The following ASXL3 variants were observed in gnomAD, a reference collection of about 807,000 sequenced individuals.
The protein encoded by ASXL3 is putative Polycomb group protein ASXL3.
A neutral mutation model predicts 170.6 loss-of-function variants in ASXL3; 34 were observed. That is an observed-to-expected ratio of 0.20 (90% confidence interval 0.15 to 0.27). The LOEUF is 0.27. ASXL3 is among the 10% of genes least tolerant of loss of function. ASXL3 has a pLI of 1.00. For missense variants in ASXL3, 2,592 were observed against 2,695.3 expected (o/e 0.96, Z 0.85); for synonymous variants, 1,002 against 989.1 (o/e 1.01, Z -0.24).
intron 8 of ASXL3, among the ~76,000 whole-genome samples, chr18:33,712,470 C>A (rs1224641584): frequency 4.6e-5 from 7 of 152,264 alleles, no homozygotes; most frequent in Admixed American, 2.0e-4. Flanking sequence ...AGGAGCCAGT[C>A]ATTTAATCTC....
chr18:33,582,717 T>C (rs78435910), intron 1 of ASXL3, among the ~76,000 whole-genome samples: 2,764 of 149,136 alleles, frequency 0.019, 48 homozygotes, highest in Middle Eastern at 0.034. Context: ...TGTGTGTGTG[T>C]GTGTGTGTGT....
intron 8 of ASXL3, among the ~76,000 whole-genome samples, chr18:33,704,077 T>C (rs1017048444): frequency 6.6e-6 from 1 of 152,172 alleles, no homozygotes; most frequent in Non-Finnish European, 1.5e-5. Flanking sequence ...AATAAACTGC[T>C]CTTTTCCAAA....
intron 8 of ASXL3, among the ~76,000 whole-genome samples, chr18:33,729,334 G>A (rs918307721): frequency 8.5e-5 from 13 of 152,094 alleles, no homozygotes; most frequent in Admixed American, 3.9e-4. Context: ...TGGGAGTTGC[G>A]CCCAGAGACA....
At chr18:33,613,997 T>G (rs1404877564) in intron 2 of ASXL3, among the ~76,000 whole-genome samples, 1 of 152,080 alleles carries the variant, frequency 6.6e-6, no homozygotes, top group Non-Finnish European at 1.5e-5. Flanking sequence ...AGTCTTGTCT[T>G]GATGTTGATG....
At chr18:33,621,896 C>A (rs2065520469) in intron 2 of ASXL3, among the ~76,000 whole-genome samples, 1 of 152,036 alleles carries the variant, frequency 6.6e-6, no homozygotes, top group African/African-American at 2.4e-5. Flanking sequence ...CACTCTGTTT[C>A]TTTATTTACA....
At chr18:33,579,692 G>A (rs2064977092) in intron 1 of ASXL3, among the ~76,000 whole-genome samples, 1 of 151,974 alleles carries the variant, frequency 6.6e-6, no homozygotes, top group East Asian at 1.9e-4. Context: ...GTGTGTCTCG[G>A]GAATGCCAGG....
chr18:33,727,805 T>C lies in ASXL3; in HGVS notation c.880-4163T>C, dbSNP rs2067375537. Among the ~76,000 whole-genome samples the C allele has an allele frequency of 1.3e-5, 2 of 152,326 alleles. 1 individual carries two copies. Among genetic ancestry groups the C allele is most frequent in the South Asian group, 4.1e-4 (2 of 4,828 alleles). On this transcript the variant is annotated intron_variant, in intron 8 of 11. Coordinates refer to ENST00000269197, the MANE Select transcript of ASXL3 (RefSeq NM_030632.3). ...CTTAAAACCCATAAAATTAATCGTG[T>C]ATTTAAAACACTTTATTGGCATTTA...
chr18:33,729,269 AGGAG>A (rs2067402471), intron 8 of ASXL3, among the ~76,000 whole-genome samples: 1 of 152,198 alleles, frequency 6.6e-6, no homozygotes, highest in South Asian at 2.1e-4. Flanking sequence ...ACTGTTCCAC[AGGAG>A]GACAGCAGGA....
rs1015184444 is a variant in ASXL3 at position 33,751,013 on chromosome 18, TTTTA to T, written c.*4422_*4425del. On this transcript the variant is annotated 3_prime_UTR_variant, in exon 12 of 12. Coordinates refer to ENST00000269197, the MANE Select transcript of ASXL3 (RefSeq NM_030632.3). ...GCATTCTTTAATGGTGCTGTTTGTTTTTTATTTCTTTTCTACAAAGAAAACAAGT... is the reference window on the plus strand; with the variant it reads ...GCATTCTTTAATGGTGCTGTTTGTTTTTTCTTTTCTACAAAGAAAACAAGT... 6.7e-6 allele frequency: 1 copy of T among 149,036 alleles called. No individual in the cohort carries two copies. The highest frequency in any genetic ancestry group is 1.5e-5 in the Non-Finnish European group (1 of 67,704). The allele number at this position is 149,036 out of a possible 1,614,324, so 9.2% of individuals were successfully genotyped here.
intron 1 of ASXL3, among the ~76,000 whole-genome samples, chr18:33,596,590 A>T (rs1050312204): frequency 6.6e-6 from 1 of 152,194 alleles, no homozygotes; most frequent in African/African-American, 2.4e-5. Flanking sequence ...ATACATCTGG[A>T]TGCTGTGTCA....
chr18:33,669,259 C>A (rs963091521), intron 5 of ASXL3, among the ~76,000 whole-genome samples: 2 of 152,124 alleles, frequency 1.3e-5, no homozygotes, highest in Non-Finnish European at 2.9e-5. Context: ...CATATGTCCT[C>A]ATTAAATATA....
chr18:33,588,726 A>G (rs1334294910), intron 1 of ASXL3, among the ~76,000 whole-genome samples: 3 of 152,146 alleles, frequency 2.0e-5, no homozygotes, highest in African/African-American at 7.2e-5. Flanking sequence ...TAAAGTATAT[A>G]TGGCCCCTTC....
At chr18:33,741,288 C>A (rs536450365) in intron 11 of ASXL3, among the ~76,000 whole-genome samples, 1 of 152,136 alleles carries the variant, frequency 6.6e-6, no homozygotes, top group South Asian at 2.1e-4. Context: ...AGATAGATAA[C>A]AACATGAGGG....
chr18:33,592,042 A>G (rs2065082911), intron 1 of ASXL3, among the ~76,000 whole-genome samples: 2 of 152,064 alleles, frequency 1.3e-5, no homozygotes, highest in Non-Finnish European at 2.9e-5. Flanking sequence ...GGAGAATGAA[A>G]TCCTTAATCA....
intron 1 of ASXL3, among the ~76,000 whole-genome samples, chr18:33,582,236 C>G (rs942969444): frequency 1.3e-5 from 2 of 152,132 alleles, no homozygotes; most frequent in Non-Finnish European, 2.9e-5. Flanking sequence ...ATCCTTCTGA[C>G]TTTTATCTCA....
chr18:33,728,621 C>G (rs1386385820), intron 8 of ASXL3, among the ~76,000 whole-genome samples: 3 of 152,118 alleles, frequency 2.0e-5, no homozygotes, highest in African/African-American at 4.8e-5. Flanking sequence ...TTCATCCACC[C>G]CCATCTCCCA....
intron 8 of ASXL3, among the ~76,000 whole-genome samples, chr18:33,730,215 C>G (rs766597222): frequency 6.6e-6 from 1 of 151,996 alleles, no homozygotes; most frequent in Non-Finnish European, 1.5e-5. Context: ...TGCCAAACAT[C>G]CGACATTACA....
chr18:33,710,745 C>G (rs1412699226), intron 8 of ASXL3, among the ~76,000 whole-genome samples: 1 of 152,066 alleles, frequency 6.6e-6, no homozygotes, highest in Non-Finnish European at 1.5e-5. Flanking sequence ...TTCTCTTTTA[C>G]TTCTTTCAAA....
chr18:33,598,206 A>G (rs1247326895), intron 1 of ASXL3, among the ~76,000 whole-genome samples: 2 of 152,196 alleles, frequency 1.3e-5, no homozygotes, highest in East Asian at 3.8e-4. Context: ...GTAGTAAAAT[A>G]TAAACCCCAA....
Sources: allele counts gnomAD v4.1 joint callset (sites outside exome capture counted in the v4.1 genomes callset), GRCh38; gene constraint gnomAD v4.1.1; transcripts MANE v1.5; gene names NCBI Gene and HGNC (gene_info 2026-07-23, HGNC 2026-07-21).